IFT140: variants seen among roughly 807,000 people sequenced by gnomAD.
IFT140 encodes intraflagellar transport 140, also known as intraflagellar transport protein 140 homolog.
A neutral mutation model predicts 164.6 loss-of-function variants in IFT140; 133 were observed. The observed-to-expected ratio is 0.81, with a 90% CI of 0.70 to 0.93. IFT140 has a LOEUF of 0.93. Ranked by LOEUF, IFT140 falls within the 40% of genes least tolerant of loss-of-function variation. IFT140 has a pLI of 0.00. For missense variants in IFT140, 2,045 were observed against 1,972.3 expected (o/e 1.04, Z -0.70); for synonymous variants, 860 against 817.3 (o/e 1.05, Z -0.89).
Position 1,568,299 on chromosome 16 carries a change from G to C in IFT140, c.1688C>G (p.Ala563Gly). The C allele has an allele frequency of 3.1e-6, 5 of 1,613,742 alleles. No individual in the cohort carries two copies. The highest frequency in any genetic ancestry group is 4.2e-6 in the Non-Finnish European group (5 of 1,179,984). The change falls in exon 15 of 31, where the codon GCG becomes GGG. Residue 563 changes from alanine (A) to glycine (G), a missense_variant. Ala to Gly is a moderately conservative substitution (Grantham distance 60). Transcript: ENST00000426508. The stretch of plus-strand genomic sequence containing the variant: ...GCCCCCCACCCCAGGGACCAGCTCC[G>C]CCAGGCTCCTGCAGCTACAGTGTGC... ...AKAHCSCRSL[A>G]ELVPGVGGIA...
intron 19 of IFT140, chr16:1,554,689 A>C: frequency 6.6e-7 from 1 of 1,523,676 alleles, no homozygotes; most frequent in Non-Finnish European, 8.9e-7. Flanking sequence ...AGGATAAAGC[A>C]GGCTGGAACC....
chr16:1,589,501 T>G, intron 7 of IFT140, 104 bp downstream of exon 7: 1 of 1,203,502 alleles, frequency 8.3e-7, no homozygotes, highest in Non-Finnish European at 1.2e-6. Flanking sequence ...GTTGATAGGC[T>G]TTTTTTCAGT....
In IFT140 at chr16:1,523,561, CTG is replaced by C. The variant is rs765669703; in HGVS notation, c.3408_3409del (p.His1136GlnfsTer49). 10 of 1,613,370 alleles carry C rather than the reference CTG, an allele frequency of 6.2e-6. No individual in the cohort carries two copies. Among genetic ancestry groups the C allele is most frequent in the Admixed American group, 1.7e-5 (1 of 60,004 alleles). On this transcript the variant is annotated frameshift_variant, in exon 26 of 31. Coordinates refer to ENST00000426508, the MANE Select transcript of IFT140 (RefSeq NM_014714.4). LOFTEE classifies it high-confidence loss of function. ...CAGCTCTACCGCCCTCTCGTACTGA[CTG>C]TGCTCGATGAAGAAGTCGGAGCAGC...
At chr16:1,527,150 T>C in intron 19 of IFT140, 1 of 276,048 alleles carries the variant, frequency 3.6e-6, no homozygotes, top group East Asian at 6.5e-5. Flanking sequence ...GGACCTGCTC[T>C]GAGACAAAGC....
In IFT140 at chr16:1,607,181, A is replaced by C; in HGVS notation, c.86T>G (p.Phe29Cys). The change falls in exon 3 of 31, where the codon TTC becomes TGC. Residue 29 changes from phenylalanine to cysteine, a missense_variant. Phe to Cys is a radical substitution (Grantham distance 205). Coordinates refer to ENST00000426508, the MANE Select transcript of IFT140 (RefSeq NM_014714.4). ...TGTGCTGATGTAAGCAACTGCCAAG[A>C]ATGGATGGACAGGGTGCCAGCTGAT... ...SFISWHPVHP[F>C]LAVAYISTTS... 6.2e-7 allele frequency: 1 copy of C among 1,614,162 alleles called. No individual in the cohort carries two copies. The highest frequency in any genetic ancestry group is 8.5e-7 in the Non-Finnish European group (1 of 1,180,024).
In IFT140 at chr16:1,524,405, G is replaced by A. The variant is rs1596303335; in HGVS notation, c.3141+147C>T. On this transcript the variant is annotated intron_variant, in intron 24 of 30. Coordinates refer to ENST00000426508, the MANE Select transcript of IFT140 (RefSeq NM_014714.4). ...GCCAGGGGTGGGCAGAGGGGTGGGC[G>A]GGTGAGGCAGACGGGGTGAGCAGTG... The A allele has an allele frequency of 1.2e-5, 13 of 1,041,196 alleles. No individual in the cohort carries two copies. The East Asian group carries it at 1.3e-4, about 10-fold the overall frequency. The allele number at this position is 1,041,196 out of a possible 1,614,324, so 64.5% of individuals were successfully genotyped here. A position where few individuals can be genotyped will look rare whatever the true frequency, so the allele number is the denominator to read the frequency against.
At chr16:1,549,322 G>A (rs1019701997) in intron 19 of IFT140, among the ~76,000 whole-genome samples, 5 of 152,384 alleles carry the variant, frequency 3.3e-5, no homozygotes, top group South Asian at 2.1e-4. Flanking sequence ...ATCTGCTTCT[G>A]TGGCAACAAA....
intron 19 of IFT140, among the ~76,000 whole-genome samples, chr16:1,542,252 C>T (rs970201981): frequency 6.6e-6 from 1 of 152,248 alleles, no homozygotes; most frequent in Non-Finnish European, 1.5e-5. Context: ...TTGCTGTAGG[C>T]AAGAATGATG....
At chr16:1,588,124 G>T in intron 7 of IFT140, 100 bp from the exon 8 acceptor site, 3 of 872,528 alleles carry the variant, frequency 3.4e-6, no homozygotes, top group Non-Finnish European at 5.4e-6. Context: ...ACTTCATGGA[G>T]ACTCACCAAG....
At position 1,511,050 on chromosome 16, in the gene IFT140, C is replaced by A. The variant is rs1244094050; in HGVS notation, c.4283G>T (p.Gly1428Val). 3 of 1,606,704 alleles carry A rather than the reference C, an allele frequency of 1.9e-6. No individual in the cohort carries two copies. The highest frequency in any genetic ancestry group is 2.6e-6 in the Non-Finnish European group (3 of 1,176,414). The change falls in exon 31 of 31, where the codon GGT becomes GTT. Residue 1428 changes from glycine (G) to valine (V), a missense_variant. Coordinates refer to ENST00000426508, the MANE Select transcript of IFT140 (RefSeq NM_014714.4). ...GGGGACGGTGCGTGGCAGTGGGAGA[C>A]CCAGCCCCCGGTGCACGGCGTCCAC... ...QAVDAVHRGLGLPLPRTVPEQ... is the reference protein window; with the variant it reads ...QAVDAVHRGLVLPLPRTVPEQ...
intron 14 of IFT140, among the ~76,000 whole-genome samples, chr16:1,568,642 G>C (rs1269428696): frequency 6.6e-6 from 1 of 152,152 alleles, no homozygotes; most frequent in East Asian, 1.9e-4. Flanking sequence ...AGCACTTTGG[G>C]AGGGTGAGGC....
At chr16:1,593,215 A>G (rs1381772863) in intron 4 of IFT140, among the ~76,000 whole-genome samples, 3 of 152,256 alleles carry the variant, frequency 2.0e-5, no homozygotes, top group Admixed American at 2.0e-4. Flanking sequence ...AAACAATTCA[A>G]AAGTTTTTAA....
intron 17 of IFT140, among the ~76,000 whole-genome samples, chr16:1,563,432 G>A (rs543218510): frequency 1.3e-5 from 2 of 150,804 alleles, no homozygotes; most frequent in Non-Finnish European, 3.0e-5. Flanking sequence ...CAACCTGGGC[G>A]ACAGAGAGAG....
At position 1,558,041 on chromosome 16, in the gene IFT140, G is replaced by T; in HGVS notation, c.2293C>A (p.Leu765Met). 6.2e-7 allele frequency: 1 copy of T among 1,614,056 alleles called. No homozygotes were observed. Among genetic ancestry groups the T allele is most frequent in the East Asian group, 2.2e-5 (1 of 44,888 alleles). Residue 765 changes from leucine (L) to methionine (M), a missense_variant, in exon 19 of 31, where the codon CTG becomes ATG. Transcript: ENST00000426508. ...SRRPLRDFVGLEDCDKATRDA... is the reference protein window; with the variant it reads ...SRRPLRDFVGMEDCDKATRDA... ...CGGGTGGCCTTGTCGCAGTCCTCCA[G>T]CCCCACAAAGTCTCGCAGGGGTCTC... is the stretch of plus-strand genomic sequence containing the variant.
Position 1,524,907 on chromosome 16 carries a change from C to T in IFT140, c.2874G>A (p.Trp958Ter). Residue 958 changes from tryptophan to a stop codon, truncating the protein, a stop_gained, in exon 23 of 31, where the codon TGG (tryptophan) becomes TGA (stop). Transcript: ENST00000426508. LOFTEE classifies it high-confidence loss of function. ...YVNKMKDKTL[W>*]RWWAQYLESQ... ...TCTCCAGGTACTGCGCCCACCACCG[C>T]CACAGGGTCCTGCGGGCAGCCCAAG... 1 of 1,607,766 alleles carries T rather than the reference C, an allele frequency of 6.2e-7. No individual in the cohort carries two copies. Among genetic ancestry groups the T allele is most frequent in the Non-Finnish European group, 8.5e-7 (1 of 1,177,734 alleles).
At chr16:1,550,338 A>T (rs116595551) in intron 19 of IFT140, among the ~76,000 whole-genome samples, 3,277 of 152,360 alleles carry the variant, frequency 0.022, 116 homozygotes, top group African/African-American at 0.074. Context: ...AACCATGCAC[A>T]GGGAGGTCAT....
At chr16:1,570,697 T>C (rs1211385270) in intron 14 of IFT140, among the ~76,000 whole-genome samples, 1 of 152,228 alleles carries the variant, frequency 6.6e-6, no homozygotes, top group African/African-American at 2.4e-5. Flanking sequence ...TTTCATACAT[T>C]TGGTAACACA....
At chr16:1,526,502 G>T in intron 20 of IFT140, 117 bp downstream of exon 20, 7 of 1,126,104 alleles carry the variant, frequency 6.2e-6, no homozygotes, top group Non-Finnish European at 8.5e-6. Context: ...ATGCCTCTCG[G>T]CTCTGCCCAC....
chr16:1,535,574 G>C (rs958190199), intron 19 of IFT140, among the ~76,000 whole-genome samples: 2 of 152,176 alleles, frequency 1.3e-5, no homozygotes, highest in Non-Finnish European at 2.9e-5. Context: ...GGAGTACTGG[G>C]GTAACACACA....
Sources: allele counts gnomAD v4.1 joint callset (sites outside exome capture counted in the v4.1 genomes callset), GRCh38; gene constraint gnomAD v4.1.1; transcripts MANE v1.5; gene names NCBI Gene and HGNC (gene_info 2026-07-23, HGNC 2026-07-21).